TOP6BL: variants seen among roughly 807,000 people sequenced by gnomAD.
TOP6BL encodes type 2 DNA topoisomerase 6 subunit B-like.
chr11:66,810,628 A>G, the TOP6BL span, among the ~76,000 whole-genome samples: 1 of 152,168 alleles, frequency 6.6e-6, no homozygotes, highest in Non-Finnish European at 1.5e-5. Flanking sequence ...ACAGTCAATT[A>G]TGTATTTGTC....
At chr11:66,799,204 C>G in the TOP6BL span, among the ~76,000 whole-genome samples, 1 of 113,380 alleles carries the variant, frequency 8.8e-6, no homozygotes, top group Non-Finnish European at 1.7e-5. Flanking sequence ...AAGACTCTGT[C>G]TCCAAAAAAA....
chr11:66,773,259 G>A, the TOP6BL span, among the ~76,000 whole-genome samples: 1 of 151,880 alleles, frequency 6.6e-6, no homozygotes, highest in Non-Finnish European at 1.5e-5. Context: ...TCACTGTGTT[G>A]CCCAGGCTGG....
At chr11:66,771,009 C>T in the TOP6BL span, among the ~76,000 whole-genome samples, 1 of 152,002 alleles carries the variant, frequency 6.6e-6, no homozygotes, top group East Asian at 1.9e-4. Flanking sequence ...GAATTTCTAA[C>T]TTCTTGGGGT....
the TOP6BL span, among the ~76,000 whole-genome samples, chr11:66,793,336 G>A: frequency 6.6e-6 from 1 of 150,914 alleles, no homozygotes; most frequent in East Asian, 1.9e-4. Context: ...CAAGTGATCT[G>A]CCCGCCTCAG....
chr11:66,796,127 T>G, the TOP6BL span: 1 of 590,768 alleles, frequency 1.7e-6, no homozygotes, highest in Non-Finnish European at 3.0e-6. Context: ...GATTTTCTTT[T>G]GCATACAATT....
At chr11:66,747,522 T>TTATTTG in the TOP6BL span, among the ~76,000 whole-genome samples, 1 of 148,654 alleles carries the variant, frequency 6.7e-6, no homozygotes, top group South Asian at 2.1e-4. Context: ...TGCACGTACC[T>TTATTTG]TATTTGTTTA....
chr11:66,829,800 A>C, the TOP6BL span, among the ~76,000 whole-genome samples: 1 of 152,178 alleles, frequency 6.6e-6, no homozygotes, highest in South Asian at 2.1e-4. Context: ...GAGGTGGAAG[A>C]ACTGCATGAG....
At chr11:66,770,338 C>T in the TOP6BL span, among the ~76,000 whole-genome samples, 15 of 152,128 alleles carry the variant, frequency 9.9e-5, no homozygotes, top group African/African-American at 3.4e-4. Flanking sequence ...TAAAAAGATA[C>T]ACACATGGCC....
At chr11:66,808,970 G>A in the TOP6BL span, among the ~76,000 whole-genome samples, 1 of 152,174 alleles carries the variant, frequency 6.6e-6, no homozygotes, top group Non-Finnish European at 1.5e-5. Context: ...GTGTGTGACG[G>A]AGTCTCGCTC....
the TOP6BL span, among the ~76,000 whole-genome samples, chr11:66,839,940 C>G: frequency 2.6e-5 from 4 of 152,142 alleles, no homozygotes; most frequent in African/African-American, 9.7e-5. Context: ...AGGACCCAGG[C>G]TCAGGTGAGG....
chr11:66,843,337 G>C, the TOP6BL span: 1 of 1,484,648 alleles, frequency 6.7e-7, no homozygotes, highest in Non-Finnish European at 8.9e-7. Context: ...CCTCTTCCGC[G>C]TCTGCTTCCG....
At chr11:66,793,900 G>A in the TOP6BL span, among the ~76,000 whole-genome samples, 1 of 151,994 alleles carries the variant, frequency 6.6e-6, no homozygotes, top group African/African-American at 2.4e-5. Flanking sequence ...GAGGCCAAGA[G>A]TTTGAGACCA....
At chr11:66,814,438 T>G in the TOP6BL span, among the ~76,000 whole-genome samples, 1 of 152,074 alleles carries the variant, frequency 6.6e-6, no homozygotes, top group African/African-American at 2.4e-5. Flanking sequence ...GTTTTTTGTA[T>G]TTTTGGTAGA....
chr11:66,744,885 G>T, the TOP6BL span: 1 of 1,290,542 alleles, frequency 7.7e-7, no homozygotes, highest in South Asian at 3.0e-5. Flanking sequence ...TGTTCCCTGC[G>T]CGGCATGGAG....
chr11:66,753,702 G>A, the TOP6BL span, among the ~76,000 whole-genome samples: 4 of 151,384 alleles, frequency 2.6e-5, no homozygotes, highest in South Asian at 2.1e-4. Flanking sequence ...CACCGCGCCC[G>A]GCCATGTTTT....
chr11:66,789,106 A>G, the TOP6BL span, among the ~76,000 whole-genome samples: 3 of 152,242 alleles, frequency 2.0e-5, no homozygotes, highest in South Asian at 6.2e-4. Flanking sequence ...TAGGTATGGC[A>G]TAGGCTTTGG....
chr11:66,809,352 A>G, the TOP6BL span, among the ~76,000 whole-genome samples: 1 of 152,240 alleles, frequency 6.6e-6, no homozygotes, highest in East Asian at 1.9e-4. Context: ...GTCTTGAAAT[A>G]AAATCATTAC....
chr11:66,798,817 G>T, the TOP6BL span, among the ~76,000 whole-genome samples: 6 of 152,070 alleles, frequency 3.9e-5, no homozygotes, highest in Non-Finnish European at 8.8e-5. Flanking sequence ...GCTCACGCTT[G>T]TATCCTAGCA....
the TOP6BL span, among the ~76,000 whole-genome samples, chr11:66,767,664 A>G: frequency 1.3e-5 from 2 of 152,222 alleles, no homozygotes; most frequent in Non-Finnish European, 2.9e-5. Context: ...ACTAGATAAG[A>G]ATACCAGTCC....
Sources: gnomAD v4.1 joint callset for allele counts (sites outside exome capture counted in the v4.1 genomes callset) on GRCh38, gnomAD v4.1.1 for gene constraint, MANE v1.5 for transcripts, NCBI Gene and HGNC (gene_info 2026-07-23, HGNC 2026-07-21) for gene names.